RAB3GAP1: variants seen among roughly 807,000 people sequenced by gnomAD.
The protein encoded by RAB3GAP1 is RAB3 GTPase activating protein catalytic subunit 1.
A neutral mutation model predicts 130.7 loss-of-function variants in RAB3GAP1; 86 were observed. The observed-to-expected ratio is 0.66, with a 90% confidence interval of 0.55 to 0.79. The LOEUF (loss-of-function observed/expected upper bound fraction) is 0.79. Among genes scored for constraint, RAB3GAP1 ranks in the 30% least tolerant of loss-of-function variants. The pLI, the probability that RAB3GAP1 is intolerant of heterozygous loss-of-function variation, is 0.00. For synonymous variants in RAB3GAP1, 367 were observed against 401.7 expected (o/e 0.91, Z 1.03); for missense variants, 1,029 against 1,169.4 (o/e 0.88, Z 1.75).
chr2:135,137,208 C>T (rs1169167388), intron 17 of RAB3GAP1: 5 of 414,946 alleles, frequency 1.2e-5, no homozygotes, highest in East Asian at 7.2e-5. Flanking sequence ...TTGATACCTA[C>T]GATGGCTTTT....
chr2:135,119,221 G>T (rs1691122543), intron 7 of RAB3GAP1, among the ~76,000 whole-genome samples: 1 of 151,846 alleles, frequency 6.6e-6, no homozygotes, highest in Admixed American at 6.6e-5. Flanking sequence ...CGATTCTCCT[G>T]CCTCAGCCTC....
At position 135,113,184 on chromosome 2, in the gene RAB3GAP1, T is replaced by G. The variant is rs530981467; in HGVS notation, c.396T>G (p.Pro132=). ...TACGTGAGTTCGTGGTGATTGCCCC[T>G]GCTGCACACAGTGACGCTGTTCTCA... is the stretch of plus-strand genomic sequence containing the variant. ...YGLREFVVIA[P]AAHSDAVLSE... The change falls in exon 6 of 24, where the codon CCT becomes CCG. Residue 132 remains proline, a synonymous_variant. Transcript: ENST00000264158. 2.5e-6 allele frequency: 4 copies of G among 1,614,230 alleles called. No homozygotes were observed. The East Asian group carries it at 6.7e-5, about 27-fold the overall frequency.
At chr2:135,074,512 G>A (rs184783940) in intron 3 of RAB3GAP1, among the ~76,000 whole-genome samples, 18 of 152,324 alleles carry the variant, frequency 1.2e-4, no homozygotes, top group African/African-American at 3.8e-4. Context: ...ATTGGGTGGC[G>A]GGTCAGACAT....
intron 5 of RAB3GAP1, among the ~76,000 whole-genome samples, chr2:135,107,940 A>T (rs1366706062): frequency 7.6e-6 from 1 of 132,052 alleles, no homozygotes. Flanking sequence ...GTGCCATTGC[A>T]CTCCAGCCTG....
chr2:135,154,021 C>G (rs1376108233), intron 19 of RAB3GAP1, 145 bp downstream of exon 19: 2 of 783,752 alleles, frequency 2.6e-6, no homozygotes, highest in Non-Finnish European at 4.2e-6. Flanking sequence ...ATCTACTATT[C>G]ACATTTAAGA....
chr2:135,052,906 C>A (rs1426459126), intron 2 of RAB3GAP1, among the ~76,000 whole-genome samples: 1 of 152,226 alleles, frequency 6.6e-6, no homozygotes, highest in East Asian at 1.9e-4. Flanking sequence ...TTGGTATACC[C>A]TTTTCAGGAG....
chr2:135,098,505 T>A (rs1177846924), intron 5 of RAB3GAP1, among the ~76,000 whole-genome samples: 4 of 152,208 alleles, frequency 2.6e-5, no homozygotes, highest in Non-Finnish European at 4.4e-5. Flanking sequence ...AGGTCACAAA[T>A]CTTTCTCCTA....
At chr2:135,123,018 C>T (rs977179824) in intron 8 of RAB3GAP1, among the ~76,000 whole-genome samples, 5 of 152,088 alleles carry the variant, frequency 3.3e-5, no homozygotes, top group African/African-American at 1.2e-4. Flanking sequence ...TTTGAGCCAC[C>T]GTGCCCAGCC....
chr2:135,138,255 G>A (rs573765205), intron 17 of RAB3GAP1, among the ~76,000 whole-genome samples: 26 of 150,764 alleles, frequency 1.7e-4, no homozygotes, highest in Admixed American at 1.5e-3. Flanking sequence ...GACCAGCCTG[G>A]GCAACATGGT....
chr2:135,078,773 T>C (rs1294482040), intron 3 of RAB3GAP1, among the ~76,000 whole-genome samples: 1 of 148,984 alleles, frequency 6.7e-6, no homozygotes, highest in African/African-American at 2.5e-5. Context: ...CTCAACCTCC[T>C]GGAATCAAGT....
chr2:135,104,889 A>AAAAC (rs368209526), intron 5 of RAB3GAP1, among the ~76,000 whole-genome samples: 34 of 152,012 alleles, frequency 2.2e-4, no homozygotes, highest in African/African-American at 7.5e-4. Context: ...ACTCCATCTC[A>AAAAC]AAACAAACAA....
intron 4 of RAB3GAP1, among the ~76,000 whole-genome samples, chr2:135,091,556 G>T (rs563829453): frequency 6.6e-6 from 1 of 152,160 alleles, no homozygotes. Context: ...AGGAAAATCT[G>T]TTGATTAGAG....
At chr2:135,134,185 G>A (rs1691621527) in intron 15 of RAB3GAP1, 152 bp downstream of exon 15, 1 of 765,742 alleles carries the variant, frequency 1.3e-6, no homozygotes. Context: ...GTTCACTGCA[G>A]CAAATTTATT....
intron 7 of RAB3GAP1, among the ~76,000 whole-genome samples, chr2:135,119,513 C>G (rs1425814695): frequency 6.6e-6 from 1 of 152,156 alleles, no homozygotes; most frequent in African/African-American, 2.4e-5. Flanking sequence ...AACATTTGCT[C>G]CTTATTATAG....
At chr2:135,081,919 T>A (rs569781442) in intron 3 of RAB3GAP1, among the ~76,000 whole-genome samples, 322 of 152,032 alleles carry the variant, frequency 2.1e-3, no homozygotes, top group Admixed American at 4.4e-3. Flanking sequence ...GACGGGTGGA[T>A]CACTTGAGAT....
chr2:135,052,502 T>G lies in RAB3GAP1; in HGVS notation c.74+17T>G, dbSNP rs756857713. 15 of 1,613,090 alleles carry G rather than the reference T, an allele frequency of 9.3e-6. No homozygotes were observed. In the East Asian group the frequency reaches 3.3e-4, roughly 36 times the overall value. On this transcript the variant is annotated intron_variant, in intron 2 of 23. Coordinates refer to ENST00000264158, the MANE Select transcript of RAB3GAP1 (RefSeq NM_012233.3). The stretch of plus-strand genomic sequence containing the variant: ...ATGGGAAAGGTGAGTGAATCGCATT[T>G]TTGGTTACCAGCTCCCATGGGCCCT...
chr2:135,070,771 C>T (rs1014666545), intron 3 of RAB3GAP1, among the ~76,000 whole-genome samples: 6 of 152,046 alleles, frequency 3.9e-5, no homozygotes, highest in Non-Finnish European at 7.4e-5. Context: ...GGATTACAAG[C>T]GTGAGCCACC....
chr2:135,132,891 C>T lies in RAB3GAP1; in HGVS notation c.1237-4C>T, dbSNP rs913187856. On this transcript the variant is annotated splice_region_variant and splice_polypyrimidine_tract_variant and intron_variant, in intron 13 of 23. Transcript: ENST00000264158. ...ATGTGATTATTTTTTTCCTTTCCTT[C>T]AAGTTCTTATTCCCTGATGCTGTTT... 2.6e-6 allele frequency: 4 copies of T among 1,525,642 alleles called. No homozygotes were observed. Among genetic ancestry groups the T allele is most frequent in the Non-Finnish European group, 3.6e-6 (4 of 1,100,146 alleles). 94.5% of individuals were successfully genotyped at this position (1,525,642 alleles called of 1,614,324 possible). A position where few individuals can be genotyped will look rare whatever the true frequency, so the allele number is the denominator to read the frequency against.
intron 3 of RAB3GAP1, among the ~76,000 whole-genome samples, chr2:135,065,594 A>G (rs1286916791): frequency 6.6e-6 from 1 of 152,120 alleles, no homozygotes; most frequent in Non-Finnish European, 1.5e-5. Context: ...GAATTAATAA[A>G]TTACAATTTT....
Sources: allele counts gnomAD v4.1 joint callset (sites outside exome capture counted in the v4.1 genomes callset), GRCh38; gene constraint gnomAD v4.1.1; transcripts MANE v1.5; gene names NCBI Gene and HGNC (gene_info 2026-07-23, HGNC 2026-07-21).